DNAAF9: variants seen among roughly 807,000 people sequenced by gnomAD.
DNAAF9 encodes shulin.
Under a neutral mutation model 167.0 loss-of-function variants are expected in DNAAF9, and 90 were observed. That is an observed-to-expected ratio of 0.54 (90% CI 0.45 to 0.64). DNAAF9 has a LOEUF of 0.64. Among genes scored for constraint, DNAAF9 ranks in the 30% least tolerant of loss-of-function variants. The pLI is 0.00. For missense variants in DNAAF9, 1,315 were observed against 1,442.2 expected, an observed-to-expected ratio of 0.91 and a Z score of 1.43; for synonymous variants, 491 against 508.8, an observed-to-expected ratio of 0.96 and a Z score of 0.47.
intron 14 of DNAAF9, among the ~76,000 whole-genome samples, chr20:3,323,401 C>A (rs1190702017): frequency 6.6e-6 from 1 of 150,596 alleles, no homozygotes; most frequent in Non-Finnish European, 1.5e-5. Context: ...CCTGCTTCAG[C>A]CTCCCCAATA....
In DNAAF9 at chr20:3,270,479, C is replaced by A. The variant is rs779878880; in HGVS notation, c.2734G>T (p.Ala912Ser). The A allele has an allele frequency of 1.9e-6, 3 of 1,613,420 alleles. No homozygotes were observed. The highest frequency in any genetic ancestry group is 2.5e-6 in the Non-Finnish European group (3 of 1,179,494). The change falls in exon 30 of 37, where the codon GCT (alanine) becomes TCT (serine). Residue 912 changes from alanine to serine, a missense_variant. Ala to Ser is a moderately conservative substitution (Grantham distance 99, BLOSUM62 1). Around this residue, in one of 2 missense-constraint regions of DNAAF9, gnomAD observed 334 missense variants for 429.7 expected, o/e 0.78. Transcript: ENST00000252032. ...LLVQLQSLIRAANPAAAFILA... is the reference protein window; with the variant it reads ...LLVQLQSLIRSANPAAAFILA... ...ATGAAGGCTGCAGCAGGATTGGCAG[C>A]CCTGATGAGGCTCTGCAGCTGAACA...
At chr20:3,319,620 T>C (rs959386318) in intron 16 of DNAAF9, among the ~76,000 whole-genome samples, 4 of 151,954 alleles carry the variant, frequency 2.6e-5, no homozygotes, top group Admixed American at 6.6e-5. Context: ...CTTTCACATA[T>C]TGTCGTCCTA....
intron 16 of DNAAF9, 90 bp from the exon 17 acceptor site, chr20:3,318,490 G>A: frequency 2.9e-6 from 2 of 695,460 alleles, no homozygotes; most frequent in Non-Finnish European, 5.3e-6. Flanking sequence ...ACTGCCTAAA[G>A]GAACATGGCA....
chr20:3,407,229 C>T (rs534230033), intron 1 of DNAAF9, among the ~76,000 whole-genome samples: 2 of 152,202 alleles, frequency 1.3e-5, no homozygotes, highest in African/African-American at 2.4e-5. Context: ...TGTGGGGAAA[C>T]CGTTGCAGGG....
chr20:3,339,268 G>C (rs974659515), intron 10 of DNAAF9, among the ~76,000 whole-genome samples: 5 of 152,128 alleles, frequency 3.3e-5, no homozygotes, highest in Non-Finnish European at 5.9e-5. Flanking sequence ...TACAAAATAT[G>C]AGTCATATCT....
At chr20:3,268,362 CTT>C (rs2068526104) in intron 30 of DNAAF9, among the ~76,000 whole-genome samples, 1 of 143,790 alleles carries the variant, frequency 7.0e-6, no homozygotes, top group Non-Finnish European at 1.5e-5. Context: ...TGGAGTTTCT[CTT>C]TGTCGCCCAC....
chr20:3,284,173 CTTTTTTTT>C (rs200633758), intron 27 of DNAAF9, among the ~76,000 whole-genome samples: 9,117 of 118,078 alleles, frequency 0.077, 624 homozygotes, highest in East Asian at 0.19. Context: ...TTACTAGAGT[CTTTTTTTT>C]TTTTTTTTTT....
At chr20:3,357,791 C>T (rs117508471) in intron 7 of DNAAF9, among the ~76,000 whole-genome samples, 9,442 of 151,680 alleles carry the variant, frequency 0.062, 378 homozygotes, top group Non-Finnish European at 0.082. Context: ...CTCTGCCTCC[C>T]GGGTTCCAGC....
At chr20:3,310,053 A>T (rs1353364322) in intron 20 of DNAAF9, among the ~76,000 whole-genome samples, 1 of 151,890 alleles carries the variant, frequency 6.6e-6, no homozygotes. Context: ...TTAGCCGGGC[A>T]TGGTGGTGCA....
chr20:3,269,187 G>A (rs1021021061), intron 30 of DNAAF9, among the ~76,000 whole-genome samples: 23 of 150,712 alleles, frequency 1.5e-4, no homozygotes, highest in Non-Finnish European at 2.8e-4. Flanking sequence ...GATTACAGGC[G>A]TGAGCCACTG....
chr20:3,345,860 G>A (rs376185876), intron 8 of DNAAF9, among the ~76,000 whole-genome samples: 3 of 151,914 alleles, frequency 2.0e-5, no homozygotes, highest in Non-Finnish European at 2.9e-5. Flanking sequence ...CAGGGCACAC[G>A]GGAGGCGGAG....
chr20:3,313,710 A>C (rs2069453203), intron 20 of DNAAF9, among the ~76,000 whole-genome samples: 1 of 152,194 alleles, frequency 6.6e-6, no homozygotes, highest in Admixed American at 6.5e-5. Flanking sequence ...TAACATATAA[A>C]ATTGAAGGAG....
chr20:3,340,433 T>TCCCCACCC, intron 10 of DNAAF9, 71 bp downstream of exon 10: 1 of 221,214 alleles, frequency 4.5e-6, no homozygotes, highest in South Asian at 5.9e-5. Context: ...TTTGTCTAGC[T>TCCCCACCC]CCCCCCACCC....
chr20:3,269,719 C>A (rs915023931), intron 30 of DNAAF9, among the ~76,000 whole-genome samples: 4 of 152,068 alleles, frequency 2.6e-5, no homozygotes, highest in African/African-American at 9.7e-5. Context: ...CTTTGGGAGG[C>A]CGAGGCAGGC....
At chr20:3,292,091 C>T (rs1206098795) in intron 25 of DNAAF9, among the ~76,000 whole-genome samples, 2 of 151,992 alleles carry the variant, frequency 1.3e-5, no homozygotes, top group East Asian at 1.9e-4. Context: ...CTCCGCCTCC[C>T]GGGTTCACGC....
intron 20 of DNAAF9, among the ~76,000 whole-genome samples, chr20:3,305,745 CAAG>C (rs1472828402): frequency 3.3e-5 from 5 of 152,106 alleles, no homozygotes; most frequent in Non-Finnish European, 4.4e-5. Context: ...TTTTTAGGTA[CAAG>C]AAGAAGAACT....
At chr20:3,259,700 C>T in intron 32 of DNAAF9, 146 bp from the exon 33 acceptor site, 2 of 720,468 alleles carry the variant, frequency 2.8e-6, no homozygotes, top group South Asian at 1.6e-5. Flanking sequence ...CCCTGTTGCT[C>T]CCCTGTGGCT....
At chr20:3,380,853 G>A (rs573202900) in intron 3 of DNAAF9, among the ~76,000 whole-genome samples, 4 of 152,220 alleles carry the variant, frequency 2.6e-5, no homozygotes, top group East Asian at 3.8e-4. Flanking sequence ...TCAGTGCTAC[G>A]GAGAGGGGAA....
At chr20:3,402,595 T>C (rs1391547601) in intron 1 of DNAAF9, among the ~76,000 whole-genome samples, 4 of 152,054 alleles carry the variant, frequency 2.6e-5, no homozygotes, top group Non-Finnish European at 4.4e-5. Flanking sequence ...TTTTTTTTCT[T>C]GACACAGGAT....
Sources: allele counts gnomAD v4.1 joint callset (sites outside exome capture counted in the v4.1 genomes callset), GRCh38; gene constraint gnomAD v4.1.1; regional missense constraint gnomAD v4.1.1; transcripts MANE v1.5; gene names NCBI Gene and HGNC (gene_info 2026-07-23, HGNC 2026-07-21).